The following CACNB2 variants were observed in gnomAD, a reference collection of about 807,000 sequenced individuals.
CACNB2 encodes calcium voltage-gated channel auxiliary subunit beta 2.
CACNB2 carries 42 observed loss-of-function variants against 73.3 expected under a neutral mutation model. The observed-to-expected ratio is 0.57, with a 90% CI of 0.45 to 0.74. The LOEUF (loss-of-function observed/expected upper bound fraction) is 0.74. Among genes scored for constraint, CACNB2 ranks in the 30% least tolerant of loss-of-function variants. The pLI, the probability that CACNB2 is intolerant of heterozygous loss-of-function variation, is 0.00. For missense variants in CACNB2, 940 were observed against 853.0 expected, an observed-to-expected ratio of 1.10 and a Z score of -1.27; for synonymous variants, 348 against 310.3, an observed-to-expected ratio of 1.12 and a Z score of -1.28.
intron 2 of CACNB2, among the ~76,000 whole-genome samples, chr10:18,328,187 GAA>G (rs534818210): frequency 2.2e-4 from 33 of 152,280 alleles, no homozygotes; most frequent in Middle Eastern, 3.4e-3. Flanking sequence ...ACCATGCAGA[GAA>G]AAGAGGAGAA....
rs892817878 is a variant in CACNB2 at position 18,417,033 on chromosome 10, T to TA, written c.333+15001dup. ...AGGCTTATGAAAGCAGAAAGTGCAT[T>TA]AAAAAAAAAAAGACACCAGCTGAGA... On this transcript the variant is annotated intron_variant, in intron 3 of 13. Coordinates refer to ENST00000324631, the MANE Select transcript of CACNB2 (RefSeq NM_201596.3). Among the ~76,000 whole-genome samples the TA allele has an allele frequency of 1.0e-3, 145 of 143,016 alleles. 1 individual carries two copies. Among genetic ancestry groups the TA allele is most frequent in the African/African-American group, 2.3e-3 (89 of 39,240 alleles). 93.8% of individuals were successfully genotyped at this position (143,016 alleles called of 152,430 possible).
chr10:18,181,350 C>T (rs2131212374), intron 2 of CACNB2, among the ~76,000 whole-genome samples: 1 of 152,182 alleles, frequency 6.6e-6, no homozygotes, highest in South Asian at 2.1e-4. Context: ...TTCCCATTGA[C>T]TTAAGTTTTT....
chr10:18,218,872 A>C (rs925726150), intron 2 of CACNB2, among the ~76,000 whole-genome samples: 1 of 152,110 alleles, frequency 6.6e-6, no homozygotes, highest in Non-Finnish European at 1.5e-5. Flanking sequence ...TCTCAAAAAA[A>C]AGTACTTCTG....
chr10:18,250,697 C>A (rs1022874003), intron 2 of CACNB2, among the ~76,000 whole-genome samples: 1 of 152,190 alleles, frequency 6.6e-6, no homozygotes, highest in East Asian at 1.9e-4. Flanking sequence ...TCAAGACCAT[C>A]GCAAACTGAT....
chr10:18,213,039 A>G (rs1170743937), intron 2 of CACNB2, among the ~76,000 whole-genome samples: 1 of 152,218 alleles, frequency 6.6e-6, no homozygotes, highest in African/African-American at 2.4e-5. Context: ...TCCCATCTCT[A>G]CAGATAATCA....
At chr10:18,339,323 C>G (rs2041141613) in intron 2 of CACNB2, among the ~76,000 whole-genome samples, 2 of 152,106 alleles carry the variant, frequency 1.3e-5, no homozygotes, top group South Asian at 4.1e-4. Context: ...GAGTTCGAGA[C>G]TAGCCTGGCC....
chr10:18,268,904 T>C (rs986131314), intron 2 of CACNB2, among the ~76,000 whole-genome samples: 2 of 152,112 alleles, frequency 1.3e-5, no homozygotes, highest in African/African-American at 4.8e-5. Flanking sequence ...ACTCAAAGTA[T>C]TTTGGAATAA....
intron 3 of CACNB2, among the ~76,000 whole-genome samples, chr10:18,446,453 A>G (rs10828706): frequency 0.67 from 101,757 of 151,946 alleles, 34,642 homozygotes; most frequent in South Asian, 0.75. Context: ...GGGGCCTGAC[A>G]TGTTAAGGTG....
chr10:18,413,537 T>C (rs780582015), intron 3 of CACNB2, among the ~76,000 whole-genome samples: 4 of 152,204 alleles, frequency 2.6e-5, no homozygotes, highest in Non-Finnish European at 2.9e-5. Context: ...CTTTCTTCTC[T>C]GCATTTTCCA....
intron 2 of CACNB2, among the ~76,000 whole-genome samples, chr10:18,232,381 A>G (rs956539222): frequency 2.0e-5 from 3 of 152,200 alleles, no homozygotes; most frequent in African/African-American, 7.2e-5. Context: ...AGATCTGAGC[A>G]CAGACCGGGC....
At chr10:18,383,863 G>A (rs1057013523) in intron 2 of CACNB2, among the ~76,000 whole-genome samples, 36 of 151,980 alleles carry the variant, frequency 2.4e-4, no homozygotes, top group Admixed American at 1.8e-3. Flanking sequence ...ACACCACCAC[G>A]CCCGGCTAAT....
At chr10:18,523,860 G>A (rs1367856032) in intron 9 of CACNB2, among the ~76,000 whole-genome samples, 1 of 152,170 alleles carries the variant, frequency 6.6e-6, no homozygotes, top group Non-Finnish European at 1.5e-5. Flanking sequence ...TTAAGCCCAA[G>A]AGGAGAAAAT....
chr10:18,373,864 A>G (rs2132311218), intron 2 of CACNB2, among the ~76,000 whole-genome samples: 1 of 152,342 alleles, frequency 6.6e-6, no homozygotes, highest in South Asian at 2.1e-4. Flanking sequence ...CCAAGACAAT[A>G]CTGATTTCCA....
At chr10:18,420,906 A>T (rs564706102) in intron 3 of CACNB2, among the ~76,000 whole-genome samples, 4 of 152,352 alleles carry the variant, frequency 2.6e-5, no homozygotes, top group African/African-American at 9.6e-5. Context: ...AGTCATGTTT[A>T]TGCCTGAAAA....
chr10:18,532,676 C>CAAAAAAAAAAAAAAA (rs1219587375), intron 10 of CACNB2, among the ~76,000 whole-genome samples: 29 of 92,554 alleles, frequency 3.1e-4, no homozygotes, highest in Non-Finnish European at 4.3e-4. Context: ...GACTCTGTCT[C>CAAAAAAAAAAAAAAA]AAAAAAAAAA....
chr10:18,358,931 G>C (rs2042040187), intron 2 of CACNB2, among the ~76,000 whole-genome samples: 1 of 152,052 alleles, frequency 6.6e-6, no homozygotes, highest in Non-Finnish European at 1.5e-5. Flanking sequence ...GGCCATATTA[G>C]AAAAACTTTA....
chr10:18,463,352 C>G (rs2047684055), intron 3 of CACNB2, among the ~76,000 whole-genome samples: 1 of 148,646 alleles, frequency 6.7e-6, no homozygotes, highest in African/African-American at 2.5e-5. Flanking sequence ...AGCAAGACCT[C>G]TTATCTATTA....
chr10:18,495,752 T>A (rs1459164970), intron 3 of CACNB2, among the ~76,000 whole-genome samples: 1 of 152,056 alleles, frequency 6.6e-6, no homozygotes, highest in Non-Finnish European at 1.5e-5. Flanking sequence ...TTCATTTTTT[T>A]ATGTTTAATA....
intron 2 of CACNB2, among the ~76,000 whole-genome samples, chr10:18,246,360 C>T (rs1448232277): frequency 6.6e-6 from 1 of 152,018 alleles, no homozygotes; most frequent in Admixed American, 6.6e-5. Context: ...TAGGGAACTT[C>T]CAAATTTTGA....
Sources: allele counts gnomAD v4.1 joint callset (sites outside exome capture counted in the v4.1 genomes callset), GRCh38; gene constraint gnomAD v4.1.1; transcripts MANE v1.5; gene names NCBI Gene and HGNC (gene_info 2026-07-23, HGNC 2026-07-21).